Variants in MAN1A1 observed in about 807,000 individuals in gnomAD.
MAN1A1 encodes the protein mannosyl-oligosaccharide 1,2-alpha-mannosidase IA.
A neutral mutation model predicts 70.8 loss-of-function variants in MAN1A1; 29 were observed. The ratio of observed to expected loss-of-function variants is 0.41; its 90% confidence interval spans 0.31 to 0.56. The LOEUF (loss-of-function observed/expected upper bound fraction) is 0.56. MAN1A1 is among the 20% of genes least tolerant of loss of function. The pLI is 0.29. For missense variants in MAN1A1, 747 were observed against 841.3 expected (o/e 0.89, Z 1.39); for synonymous variants, 349 against 330.1 (o/e 1.06, Z -0.62).
chr6:119,193,453 G>C (rs1247073610), intron 9 of MAN1A1, among the ~76,000 whole-genome samples: 1 of 152,182 alleles, frequency 6.6e-6, no homozygotes, highest in East Asian at 1.9e-4. Context: ...GCAATTGTCA[G>C]AATACAAATT....
At chr6:119,342,920 CCTT>C (rs1012975696) in intron 2 of MAN1A1, among the ~76,000 whole-genome samples, 2 of 152,126 alleles carry the variant, frequency 1.3e-5, no homozygotes, top group East Asian at 3.9e-4. Flanking sequence ...TCTCTCCCTT[CCTT>C]CTTCTTCCCC....
intron 5 of MAN1A1, among the ~76,000 whole-genome samples, chr6:119,287,750 T>C (rs560121056): frequency 1.3e-5 from 2 of 152,130 alleles, no homozygotes; most frequent in Non-Finnish European, 2.9e-5. Flanking sequence ...TTAGAACATA[T>C]TTTGGGTAAT....
At chr6:119,182,104 T>C (rs1293619235) in intron 11 of MAN1A1, among the ~76,000 whole-genome samples, 1 of 150,322 alleles carries the variant, frequency 6.7e-6, no homozygotes, top group Non-Finnish European at 1.5e-5. Context: ...CTCACTGTGG[T>C]TCTAATCTGC....
intron 2 of MAN1A1, among the ~76,000 whole-genome samples, chr6:119,319,578 A>C (rs974226233): frequency 6.6e-6 from 1 of 152,144 alleles, no homozygotes; most frequent in African/African-American, 2.4e-5. Flanking sequence ...TAAATTTAGG[A>C]AGTAAAAGAA....
At chr6:119,348,292 C>G (rs1405119664) in intron 2 of MAN1A1, among the ~76,000 whole-genome samples, 171 bp downstream of exon 2, 2 of 152,252 alleles carry the variant, frequency 1.3e-5, no homozygotes, top group African/African-American at 4.8e-5. Flanking sequence ...ACATCTACTA[C>G]TATATTGGAA....
intron 4 of MAN1A1, among the ~76,000 whole-genome samples, chr6:119,293,348 C>T (rs1019830574): frequency 2.0e-5 from 3 of 152,018 alleles, no homozygotes; most frequent in Non-Finnish European, 4.4e-5. Flanking sequence ...TTGTACTGTA[C>T]GATATTGAGA....
chr6:119,306,809 A>C (rs1772537747), intron 3 of MAN1A1, 87 bp downstream of exon 3: 1 of 926,596 alleles, frequency 1.1e-6, no homozygotes, highest in African/African-American at 1.6e-5. Flanking sequence ...CTGGAGGGCC[A>C]TGTTACACAG....
intron 5 of MAN1A1, among the ~76,000 whole-genome samples, chr6:119,282,982 T>G (rs1351527210): frequency 6.6e-6 from 1 of 152,232 alleles, no homozygotes; most frequent in Non-Finnish European, 1.5e-5. Flanking sequence ...TTTAAAGGTC[T>G]ACAATAAATG....
At chr6:119,328,215 A>G (rs1040303078) in intron 2 of MAN1A1, among the ~76,000 whole-genome samples, 1 of 152,238 alleles carries the variant, frequency 6.6e-6, no homozygotes, top group African/African-American at 2.4e-5. Context: ...CCACTGCCAC[A>G]CCATGAATTA....
rs547213338 is a variant in MAN1A1, at chr6:119,182,435, T to C, written c.1720-2008A>G. Among the ~76,000 whole-genome samples the C allele has an allele frequency of 6.6e-5, 10 of 152,326 alleles. No individual in the cohort carries two copies. In the South Asian group the frequency reaches 8.3e-4, roughly 13 times the overall value. ...TCCAAAAAATCATTGCCAAGCTCAA[T>C]GTCAAGGAGCTTTTCCCCTGTTGTT... On this transcript the variant is annotated intron_variant, in intron 11 of 12. Coordinates refer to ENST00000368468, the MANE Select transcript of MAN1A1 (RefSeq NM_005907.4).
At chr6:119,333,842 G>C (rs1488971114) in intron 2 of MAN1A1, among the ~76,000 whole-genome samples, 2 of 152,062 alleles carry the variant, frequency 1.3e-5, no homozygotes, top group Non-Finnish European at 2.9e-5. Context: ...CTAAATTCTA[G>C]TGCCTTTACC....
chr6:119,326,313 A>C (rs906110302), intron 2 of MAN1A1, among the ~76,000 whole-genome samples: 2 of 152,184 alleles, frequency 1.3e-5, no homozygotes, highest in Non-Finnish European at 2.9e-5. Flanking sequence ...CAAAGACGGA[A>C]AAGACGGACA....
In MAN1A1 at chr6:119,260,976, G is replaced by GCTTTTTTTTTTTTTTTTTTTT. The variant is rs1554209499; in HGVS notation, c.898-12623_898-12622insAAAAAAAAAAAAAAAAAAAAG. ...TATCTAAATGTCTTGTTTTTTTATT[G>GCTTTTTTTTTTTTTTTTTTTT]TTTTTTTTTTTTTTTTTTTTGAGAT... On this transcript the variant is annotated intron_variant, in intron 5 of 12. Coordinates refer to ENST00000368468, the MANE Select transcript of MAN1A1 (RefSeq NM_005907.4). Among the ~76,000 whole-genome samples, 7 of 116,954 alleles carry GCTTTTTTTTTTTTTTTTTTTT rather than the reference G, an allele frequency of 6.0e-5. 2 individuals are homozygous for GCTTTTTTTTTTTTTTTTTTTT. The highest frequency in any genetic ancestry group is 1.9e-4 in the Admixed American group (2 of 10,688). The allele number at this position is 116,954 out of a possible 152,430, so 76.7% of individuals were successfully genotyped here.
chr6:119,330,766 G>A (rs1773288152), intron 2 of MAN1A1, among the ~76,000 whole-genome samples: 1 of 151,908 alleles, frequency 6.6e-6, no homozygotes, highest in Non-Finnish European at 1.5e-5. Context: ...CCTATCCTGC[G>A]GCCCTCTTCA....
At position 119,246,250 on chromosome 6, in the gene MAN1A1, C is replaced by T. The variant is rs918952237; in HGVS notation, c.992+2010G>A. ...GCCTTTCTCCAATTTCATTACCTTC[C>T]AGGAAACGAGAGAAACTAGCTTCAC... is the stretch of plus-strand genomic sequence containing the variant. On this transcript the variant is annotated intron_variant, in intron 6 of 12. Coordinates refer to ENST00000368468, the MANE Select transcript of MAN1A1 (RefSeq NM_005907.4). Among the ~76,000 whole-genome samples, 10 of 152,084 alleles carry T rather than the reference C, an allele frequency of 6.6e-5. No homozygotes were observed. The South Asian group carries it at 1.7e-3, about 25-fold the overall frequency.
At chr6:119,270,871 T>C (rs561047378) in intron 5 of MAN1A1, among the ~76,000 whole-genome samples, 1 of 152,228 alleles carries the variant, frequency 6.6e-6, no homozygotes, top group Non-Finnish European at 1.5e-5. Flanking sequence ...GTTAAAACTA[T>C]GGTCATCCCC....
At chr6:119,285,089 G>A (rs1420240500) in intron 5 of MAN1A1, among the ~76,000 whole-genome samples, 2 of 151,822 alleles carry the variant, frequency 1.3e-5, no homozygotes, top group East Asian at 3.9e-4. Context: ...GTCACACATG[G>A]CCAGAGGGGG....
rs1341392803 is a variant in MAN1A1, at chr6:119,217,304, ATGGAGTATTGCTCTGTCGCCAGGC to A, written c.993-12446_993-12423del. On this transcript the variant is annotated intron_variant, in intron 6 of 12. Transcript: ENST00000368468. ...TTTTTTGTTTTGTTTTGTTTTTTAA[ATGGAGTATTGCTCTGTCGCCAGGC>A]TGGAGTGCAGTGGCCCAGTTTCGGC... is the stretch of plus-strand genomic sequence containing the variant. 6.0e-3 allele frequency among the ~76,000 whole-genome samples: 913 copies of A among 152,256 alleles called. 6 individuals carry two copies. Among genetic ancestry groups the A allele is most frequent in the African/African-American group, 0.021 (866 of 41,552 alleles).
intron 8 of MAN1A1, among the ~76,000 whole-genome samples, chr6:119,199,023 T>C (rs1773646910): frequency 1.3e-5 from 2 of 152,246 alleles, no homozygotes; most frequent in Non-Finnish European, 2.9e-5. Context: ...TTGTTTTCCA[T>C]ATATGATCTT....
Sources: gnomAD v4.1 joint callset for allele counts (sites outside exome capture counted in the v4.1 genomes callset) on GRCh38, gnomAD v4.1.1 for gene constraint, MANE v1.5 for transcripts, NCBI Gene and HGNC (gene_info 2026-07-23, HGNC 2026-07-21) for gene names.